Variants in GATAD2A observed in about 807,000 individuals in gnomAD.
GATAD2A encodes transcriptional repressor p66-alpha.
A neutral mutation model predicts 68.5 loss-of-function variants in GATAD2A; 12 were observed. The observed-to-expected ratio is 0.18, with a 90% CI of 0.11 to 0.28. The LOEUF (loss-of-function observed/expected upper bound fraction) is 0.28. GATAD2A is among the 10% of genes least tolerant of loss of function. The pLI is 1.00. For missense variants in GATAD2A, 755 were observed against 868.5 expected, an observed-to-expected ratio of 0.87 and a Z score of 1.64; for synonymous variants, 410 against 375.3, an observed-to-expected ratio of 1.09 and a Z score of -1.07.
intron 1 of GATAD2A, among the ~76,000 whole-genome samples, chr19:19,452,420 C>T (rs1220012647): frequency 2.0e-5 from 3 of 152,088 alleles, no homozygotes; most frequent in Admixed American, 6.6e-5. Context: ...TTCAACAGGA[C>T]GGAAGAATGT....
At chr19:19,436,043 CA>C in intron 1 of GATAD2A, 2 of 596,348 alleles carry the variant, frequency 3.4e-6, no homozygotes, top group East Asian at 5.8e-5. Context: ...TATGTAATTC[CA>C]GGGGTTAGAG....
At chr19:19,417,649 ACT>A (rs1474142975) in intron 1 of GATAD2A, among the ~76,000 whole-genome samples, 1 of 152,034 alleles carries the variant, frequency 6.6e-6, no homozygotes, top group African/African-American at 2.4e-5. Context: ...TTCATACTTC[ACT>A]CTCAAAATAT....
At chr19:19,417,024 A>G (rs1437789837) in intron 1 of GATAD2A, among the ~76,000 whole-genome samples, 1 of 152,178 alleles carries the variant, frequency 6.6e-6, no homozygotes, top group Non-Finnish European at 1.5e-5. Flanking sequence ...GGCCTCCCAA[A>G]GTGCTGGGAT....
chr19:19,423,060 G>T (rs773255251), intron 1 of GATAD2A, among the ~76,000 whole-genome samples: 2 of 152,196 alleles, frequency 1.3e-5, no homozygotes, highest in Non-Finnish European at 2.9e-5. Flanking sequence ...AGGCTGGCGT[G>T]CAGTGGCACA....
intron 5 of GATAD2A, among the ~76,000 whole-genome samples, chr19:19,495,154 C>T (rs2099333): frequency 0.19 from 28,866 of 151,894 alleles, 2,965 homozygotes; most frequent in South Asian, 0.34. Context: ...CACCACCATG[C>T]CTGGGTAATT....
chr19:19,421,095 C>T (rs74589577), intron 1 of GATAD2A, among the ~76,000 whole-genome samples: 2,514 of 152,292 alleles, frequency 0.017, 80 homozygotes, highest in South Asian at 0.085. Flanking sequence ...CAATGCCCGA[C>T]GGACAATGGG....
At chr19:19,474,011 A>G in intron 2 of GATAD2A, 2 of 983,194 alleles carry the variant, frequency 2.0e-6, no homozygotes, top group Non-Finnish European at 2.4e-6. Flanking sequence ...TCAGAAAGTA[A>G]TGTGATATTG....
intron 7 of GATAD2A, 146 bp from the exon 8 acceptor site, chr19:19,498,297 T>C (rs2060283746): frequency 4.3e-6 from 3 of 696,612 alleles, no homozygotes; most frequent in Admixed American, 3.0e-5. Flanking sequence ...GAGCCTGTTA[T>C]CATGGCTGGG....
intron 7 of GATAD2A, among the ~76,000 whole-genome samples, chr19:19,497,019 A>T (rs541538053): frequency 6.6e-6 from 1 of 152,162 alleles, no homozygotes; most frequent in Non-Finnish European, 1.5e-5. Flanking sequence ...AGGTAGTTTC[A>T]TACACCTGTT....
At chr19:19,497,760 CAAT>C (rs1320563441) in intron 7 of GATAD2A, among the ~76,000 whole-genome samples, 1 of 152,172 alleles carries the variant, frequency 6.6e-6, no homozygotes, top group Non-Finnish European at 1.5e-5. Context: ...CCCCTAAAAG[CAAT>C]AACATTGGCA....
At chr19:19,463,048 C>G (rs2057575799) in intron 1 of GATAD2A, among the ~76,000 whole-genome samples, 1 of 152,120 alleles carries the variant, frequency 6.6e-6, no homozygotes, top group South Asian at 2.1e-4. Flanking sequence ...GACCTCATCC[C>G]CAACAGTAGT....
chr19:19,470,060 G>A (rs766546704), intron 2 of GATAD2A, among the ~76,000 whole-genome samples: 54 of 152,026 alleles, frequency 3.6e-4, no homozygotes, highest in Non-Finnish European at 6.2e-4. Flanking sequence ...ATAAGTAACC[G>A]CTTGAGAGCT....
intron 1 of GATAD2A, among the ~76,000 whole-genome samples, chr19:19,447,303 G>A (rs1330032172): frequency 6.6e-6 from 1 of 152,160 alleles, no homozygotes; most frequent in Non-Finnish European, 1.5e-5. Context: ...CAGGAGAGGG[G>A]TTGGTTGGAC....
At chr19:19,403,448 C>T (rs576209358), upstream of GATAD2A, among the ~76,000 whole-genome samples, 1 of 152,102 alleles carries the variant, frequency 6.6e-6, no homozygotes, top group African/African-American at 2.4e-5. Context: ...ACTCCCCGTC[C>T]GACTTTCCTG....
chr19:19,459,954 C>T (rs1396911271), intron 1 of GATAD2A, among the ~76,000 whole-genome samples: 2 of 152,208 alleles, frequency 1.3e-5, no homozygotes, highest in African/African-American at 2.4e-5. Context: ...GGCTTCCTTC[C>T]GGAATGAGTC....
At chr19:19,406,178 C>G (rs897059289) in intron 1 of GATAD2A, among the ~76,000 whole-genome samples, 159 bp downstream of exon 1, 11 of 151,784 alleles carry the variant, frequency 7.2e-5, no homozygotes, top group African/African-American at 2.2e-4. Context: ...TCCTTGTATT[C>G]TGGGAGCGTC....
intron 1 of GATAD2A, among the ~76,000 whole-genome samples, chr19:19,462,413 T>C (rs912779737): frequency 8.5e-5 from 13 of 152,194 alleles, no homozygotes; most frequent in African/African-American, 3.1e-4. Context: ...CCCCTCCAGC[T>C]GTGCCTGTCC....
In GATAD2A at chr19:19,506,172, C is replaced by T. The variant is rs1320821731; in HGVS notation, c.*698C>T. ...CAGATGCAGGGATGGCCGAGGCAGCCCTCGCTCCAGCTGAACGCCTCCATT... is the reference window on the plus strand; with the variant it reads ...CAGATGCAGGGATGGCCGAGGCAGCTCTCGCTCCAGCTGAACGCCTCCATT... On this transcript the variant is annotated 3_prime_UTR_variant, in exon 12 of 12. Transcript: ENST00000683918. 6 of 398,642 alleles carry T rather than the reference C, an allele frequency of 1.5e-5. No homozygotes were observed. Among genetic ancestry groups the T allele is most frequent in the Non-Finnish European group, 2.7e-5 (6 of 225,954 alleles). 24.7% of individuals were successfully genotyped at this position (398,642 alleles called of 1,614,324 possible).
intron 7 of GATAD2A, among the ~76,000 whole-genome samples, chr19:19,496,788 G>A (rs1342890897): frequency 6.6e-6 from 1 of 152,236 alleles, no homozygotes; most frequent in Non-Finnish European, 1.5e-5. Flanking sequence ...AGAACCAAGG[G>A]GCGGGTGGGC....
Sources: gnomAD v4.1 joint callset for allele counts (sites outside exome capture counted in the v4.1 genomes callset) on GRCh38, gnomAD v4.1.1 for gene constraint, MANE v1.5 for transcripts, NCBI Gene and HGNC (gene_info 2026-07-23, HGNC 2026-07-21) for gene names.